FOCAD: variants seen among roughly 807,000 people sequenced by gnomAD.
The protein encoded by FOCAD is KIAA1797.
FOCAD carries 198 observed loss-of-function variants against 225.6 expected under a neutral mutation model. That is an observed-to-expected ratio of 0.88 (90% CI 0.78 to 0.99). The LOEUF (loss-of-function observed/expected upper bound fraction) is 0.99, where lower values mean the gene tolerates loss of function less well. FOCAD is among the 50% of genes least tolerant of loss of function. The pLI, the probability that FOCAD is intolerant of heterozygous loss-of-function variation, is 0.00. For missense variants in FOCAD, 2,713 were observed against 2,123.6 expected, an observed-to-expected ratio of 1.28 and a Z score of -5.46; for synonymous variants, 897 against 755.0, an observed-to-expected ratio of 1.19 and a Z score of -3.08.
intron 1 of FOCAD, among the ~76,000 whole-genome samples, chr9:20,690,132 G>C (rs945740561): frequency 6.6e-6 from 1 of 152,186 alleles, no homozygotes; most frequent in South Asian, 2.1e-4. Context: ...ATGAATGTGG[G>C]AGATTGGCAT....
intron 15 of FOCAD, among the ~76,000 whole-genome samples, chr9:20,831,558 C>T (rs944958289): frequency 2.6e-5 from 4 of 151,864 alleles, no homozygotes; most frequent in Non-Finnish European, 5.9e-5. Flanking sequence ...TAGAAATGTT[C>T]GGGGGAGAGA....
At chr9:20,869,073 A>G (rs1829541364) in intron 18 of FOCAD, among the ~76,000 whole-genome samples, 1 of 152,146 alleles carries the variant, frequency 6.6e-6, no homozygotes, top group East Asian at 1.9e-4. Context: ...TGACACTATA[A>G]AACAGTGATG....
At chr9:20,723,058 G>A (rs1432988061) in intron 4 of FOCAD, among the ~76,000 whole-genome samples, 1 of 152,110 alleles carries the variant, frequency 6.6e-6, no homozygotes, top group Admixed American at 6.5e-5. Flanking sequence ...CTGGTGTGAG[G>A]TATCATTCAC....
chr9:20,663,346 G>T (rs1218657408), intron 2 of FOCAD, among the ~76,000 whole-genome samples: 2 of 152,100 alleles, frequency 1.3e-5, no homozygotes, highest in Non-Finnish European at 2.9e-5. Flanking sequence ...GACAGGGAAA[G>T]ACCCTGTCTG....
At chr9:20,961,046 A>G (rs943018830) in intron 35 of FOCAD, among the ~76,000 whole-genome samples, 4 of 152,066 alleles carry the variant, frequency 2.6e-5, no homozygotes, top group African/African-American at 7.3e-5. Flanking sequence ...TAGTGCCACA[A>G]TAAACATACA....
chr9:20,945,597 C>G (rs138391086), intron 29 of FOCAD, among the ~76,000 whole-genome samples: 1 of 152,286 alleles, frequency 6.6e-6, no homozygotes, highest in East Asian at 1.9e-4. Context: ...AAGACATGCA[C>G]TACATTTCCA....
chr9:20,778,341 T>C (rs933136143), intron 8 of FOCAD, among the ~76,000 whole-genome samples: 21 of 151,820 alleles, frequency 1.4e-4, no homozygotes, highest in Admixed American at 1.0e-3. Context: ...ACCTCCTGGG[T>C]CAAGCAATTG....
chr9:20,750,899 G>A (rs1385712933), intron 5 of FOCAD, among the ~76,000 whole-genome samples: 1 of 152,148 alleles, frequency 6.6e-6, no homozygotes, highest in Non-Finnish European at 1.5e-5. Context: ...TACAGGGTTT[G>A]TTTGCATCTG....
intron 2 of FOCAD, among the ~76,000 whole-genome samples, chr9:20,677,054 G>A (rs926015959): frequency 1.3e-5 from 2 of 152,106 alleles, no homozygotes; most frequent in African/African-American, 4.8e-5. Flanking sequence ...TAGGCCAATG[G>A]AACAGAGCAG....
At chr9:20,845,219 G>T (rs1447058616) in intron 15 of FOCAD, among the ~76,000 whole-genome samples, 1 of 151,820 alleles carries the variant, frequency 6.6e-6, no homozygotes, top group Non-Finnish European at 1.5e-5. Flanking sequence ...CACATTTGAT[G>T]CTCAAAAATC....
At position 20,929,488 on chromosome 9, in the gene FOCAD, C is replaced by G; in HGVS notation, c.3209C>G (p.Thr1070Ser). The change falls in exon 27 of 44, where the codon ACT becomes AGT. Residue 1070 changes from threonine (T) to serine (S), a missense_variant. Thr to Ser is a moderately conservative substitution (Grantham distance 58). Transcript: ENST00000338382. The stretch of plus-strand genomic sequence containing the variant: ...GTTGAGGAAATCCTGAACATGCTGA[C>G]TGCCAGGTTACCTGGGAAACCAAGT... ...EKVEEILNML[T>S]ARLPGKPSAD... 1.9e-6 allele frequency: 3 copies of G among 1,614,162 alleles called. No individual in the cohort carries two copies. The highest frequency in any genetic ancestry group is 2.5e-6 in the Non-Finnish European group (3 of 1,180,028).
chr9:20,854,752 C>G (rs1828000007), intron 15 of FOCAD, among the ~76,000 whole-genome samples: 1 of 151,712 alleles, frequency 6.6e-6, no homozygotes, highest in Admixed American at 6.6e-5. Flanking sequence ...GCAGAACATT[C>G]TGAGTCATTC....
intron 21 of FOCAD, among the ~76,000 whole-genome samples, chr9:20,887,308 C>T (rs1174570488): frequency 2.6e-5 from 4 of 151,806 alleles, no homozygotes; most frequent in Admixed American, 1.3e-4. Context: ...AATCTCGGCT[C>T]ACTGCAACCT....
At chr9:20,832,480 T>A (rs1825597095) in intron 15 of FOCAD, among the ~76,000 whole-genome samples, 1 of 152,032 alleles carries the variant, frequency 6.6e-6, no homozygotes, top group African/African-American at 2.4e-5. Context: ...GCACGCAACA[T>A]GAAATAAGTA....
At chr9:20,881,364 A>T (rs1830651940) in intron 19 of FOCAD, among the ~76,000 whole-genome samples, 1 of 152,218 alleles carries the variant, frequency 6.6e-6, no homozygotes, top group Non-Finnish European at 1.5e-5. Flanking sequence ...AGATTATAAA[A>T]GGTCTTGATC....
chr9:20,897,502 T>C (rs1338212784), intron 21 of FOCAD, among the ~76,000 whole-genome samples: 1 of 151,692 alleles, frequency 6.6e-6, no homozygotes, highest in Non-Finnish European at 1.5e-5. Context: ...TTTTGTATGA[T>C]TTTTTCTCTT....
Position 20,990,308 on chromosome 9 carries a change from C to T in FOCAD, c.5190C>T (p.Leu1730=), listed in dbSNP as rs764150753. ...ACAGGGTCACTCTGCAGGAGGTTCT[C>T]ACTCTCCTTCCCAATAGCATGGCTC... The part of the protein sequence containing the change: ...PMHRVTLQEV[L]TLLPNSMALL... The change falls in exon 42 of 44, where the codon CTC becomes CTT. Residue 1730 remains leucine, a synonymous_variant. Coordinates refer to ENST00000338382, the MANE Select transcript of FOCAD (RefSeq NM_001375567.1). The T allele has an allele frequency of 2.5e-6, 4 of 1,613,856 alleles. No individual in the cohort carries two copies. In the East Asian group the frequency reaches 8.9e-5, roughly 36 times the overall value.
chr9:20,926,899 A>G (rs1395768575), intron 26 of FOCAD, among the ~76,000 whole-genome samples: 1 of 151,272 alleles, frequency 6.6e-6, no homozygotes, highest in Non-Finnish European at 1.5e-5. Context: ...ACACACACGA[A>G]ATATTATCTA....
intron 15 of FOCAD, among the ~76,000 whole-genome samples, chr9:20,840,431 CATTTT>C (rs71334558): frequency 0.32 from 47,987 of 148,068 alleles, 7,924 homozygotes; most frequent in East Asian, 0.47. Flanking sequence ...AGAGGTATAT[CATTTT>C]ATTTTATTTT....
Sources: gnomAD v4.1 joint callset for allele counts (sites outside exome capture counted in the v4.1 genomes callset) on GRCh38, gnomAD v4.1.1 for gene constraint, MANE v1.5 for transcripts, NCBI Gene and HGNC (gene_info 2026-07-23, HGNC 2026-07-21) for gene names.